FLNA: variants seen among roughly 807,000 people sequenced by gnomAD.
FLNA encodes filamin A, also known as filamin-A.
In FLNA, 7 loss-of-function variants were observed where a neutral mutation model predicts 157.6. That is an observed-to-expected ratio of 0.04 (90% confidence interval 0.03 to 0.08). The LOEUF (loss-of-function observed/expected upper bound fraction) is 0.08. Ranked by LOEUF, FLNA falls within the 10% of genes least tolerant of loss-of-function variation. The pLI, the probability that FLNA is intolerant of heterozygous loss-of-function variation, is 1.00. For missense variants in FLNA, 1,750 were observed against 2,398.4 expected (o/e 0.73, Z 5.65); for synonymous variants, 1,103 against 1,060.8 (o/e 1.04, Z -0.77).
intron 1 of FLNA, among the ~76,000 whole-genome samples, chrX:154,374,234 C>G (rs1462160927): frequency 2.7e-5 from 3 of 112,790 alleles, no homozygotes; most frequent in Admixed American, 9.3e-5. Context: ...CACCCTCTCT[C>G]TCTCGGGGAC....
At position 154,358,358 on chromosome X, in the gene FLNA, G is replaced by A; in HGVS notation, c.4599-3C>T. On this transcript the variant is annotated splice_polypyrimidine_tract_variant and splice_region_variant and intron_variant, in intron 27 of 47. Transcript: ENST00000369850. Reference sequence around the variant, plus strand: ...GCAGCACCTTGACCTTGAAGGGGCTGTGAGGGATTGGTGTTGTGAGCAGTC... The same window carrying A: ...GCAGCACCTTGACCTTGAAGGGGCTATGAGGGATTGGTGTTGTGAGCAGTC... 2 of 1,211,605 alleles carry A rather than the reference G, an allele frequency of 1.7e-6. No individual in the cohort carries two copies. Among genetic ancestry groups the A allele is most frequent in the Non-Finnish European group, 2.2e-6 (2 of 895,503 alleles).
At chrX:154,374,319 G>C (rs1394408843) in intron 1 of FLNA, among the ~76,000 whole-genome samples, 187 bp downstream of exon 1, 1 of 112,555 alleles carries the variant, frequency 8.9e-6, no homozygotes, top group Non-Finnish European at 1.9e-5. Flanking sequence ...CTATTCTCTG[G>C]ACACTCACTC....
intron 1 of FLNA, 58 bp from the exon 2 acceptor site, chrX:154,371,419 T>C: frequency 2.1e-6 from 1 of 465,930 alleles, no homozygotes; most frequent in Non-Finnish European, 3.4e-6. Flanking sequence ...AGGGCGGGCC[T>C]CCTGCGGGGA....
chrX:154,367,539 G>A lies in FLNA; in HGVS notation c.726C>T (p.Ile242=). The part of the protein sequence containing the change: ...ADDWLGIPQV[I]TPEEIVDPNV... ...TGGGGTCCACAATCTCCTCGGGGGT[G>A]ATCACCTGTCACAGGCAGAAAACAG... Residue 242 remains isoleucine (I), a synonymous_variant, in exon 5 of 48, where the codon ATC becomes ATT. Coordinates refer to ENST00000369850, the MANE Select transcript of FLNA (RefSeq NM_001110556.2). 8.3e-7 allele frequency: 1 copy of A among 1,211,556 alleles called. No individual in the cohort carries two copies. The highest frequency in any genetic ancestry group is 1.1e-6 in the Non-Finnish European group (1 of 895,436).
rs782721874 is a variant in FLNA, at chrX:154,371,181, T to TCGA, written c.62_64dup (p.Val21dup). The TCGA allele has an allele frequency of 1.3e-3, 1,544 of 1,194,156 alleles. 1 individual carries two copies. Among genetic ancestry groups the TCGA allele is most frequent in the Non-Finnish European group, 1.2e-3 (1,090 of 887,717 alleles). ...GGCCGGCATCTCGGCGTCCCGCGTG[T>TCGA]CGACGCCGCCGCCCGGAGCCGCGCC... is the stretch of plus-strand genomic sequence containing the variant. On this transcript the variant is annotated inframe_insertion, in exon 2 of 48. Coordinates refer to ENST00000369850, the MANE Select transcript of FLNA (RefSeq NM_001110556.2).
Position 154,367,698 on chromosome X carries a change from G to A in FLNA, c.663C>T (p.Pro221=), listed in dbSNP as rs2073470. 4.3e-3 allele frequency: 5,258 copies of A among 1,209,832 alleles called. 154 individuals carry two copies. The Admixed American group carries it at 0.068, about 16-fold the overall frequency. The change falls in exon 4 of 48, where the codon CCC becomes CCT. Residue 221 remains proline, a synonymous_variant. Transcript: ENST00000369850. The stretch of plus-strand genomic sequence containing the variant: ...GCATGGCCTCTCGCGCATTGGTAAC[G>A]GGCTTGCTGGCGTCCCAAGAGTCCC... ...PDWDSWDASK[P]VTNAREAMQQ... is the part of the protein sequence containing the mutation.
At chrX:154,353,510 C>T in intron 36 of FLNA, 44 bp downstream of exon 36, 1 of 1,210,351 alleles carries the variant, frequency 8.3e-7, no homozygotes. Context: ...GAGACCATGC[C>T]CACCCTGCCA....
Sources: gnomAD v4.1 joint callset for allele counts (sites outside exome capture counted in the v4.1 genomes callset) on GRCh38, gnomAD v4.1.1 for gene constraint, MANE v1.5 for transcripts, NCBI Gene and HGNC (gene_info 2026-07-23, HGNC 2026-07-21) for gene names.